The following WASHC5 variants were observed in gnomAD, a reference collection of about 807,000 sequenced individuals.
The protein encoded by WASHC5 is WASH complex subunit strumpellin.
Under a neutral mutation model 150.4 loss-of-function variants are expected in WASHC5, and 101 were observed. The observed-to-expected ratio is 0.67, with a 90% confidence interval of 0.57 to 0.79. WASHC5 has a LOEUF of 0.79. WASHC5 is among the 30% of genes least tolerant of loss of function. WASHC5 has a pLI of 0.00. For synonymous variants in WASHC5, 467 were observed against 491.2 expected, an observed-to-expected ratio of 0.95 and a Z score of 0.65; for missense variants, 1,195 against 1,396.3, an observed-to-expected ratio of 0.86 and a Z score of 2.30.
intron 11 of WASHC5, among the ~76,000 whole-genome samples, chr8:125,061,843 G>T (rs551893511): frequency 6.6e-6 from 1 of 152,282 alleles, no homozygotes; most frequent in African/African-American, 2.4e-5. Flanking sequence ...AGCAATACAG[G>T]GAGGTGGAAA....
In WASHC5 at chr8:125,083,181, G is replaced by T; in HGVS notation, c.264C>A (p.Asn88Lys). 1 of 1,601,844 alleles carries T rather than the reference G, an allele frequency of 6.2e-7. No individual in the cohort carries two copies. Among genetic ancestry groups the T allele is most frequent in the Non-Finnish European group, 8.6e-7 (1 of 1,169,418 alleles). ...QDLDEEFREN[N>K]IEIVTRFYLA... The stretch of plus-strand genomic sequence containing the variant: ...AATAAAATCTGGTCACAATTTCTAT[G>T]TTGTTTTCACGAAATTCTTCATCTA... Residue 88 changes from asparagine to lysine, a missense_variant, in exon 3 of 29, where the codon AAC becomes AAA. Around this residue, in one of 3 missense-constraint regions of WASHC5, gnomAD observed 195 missense variants for 206.9 expected, o/e 0.94. Transcript: ENST00000318410.
chr8:125,043,779 T>A lies in WASHC5; in HGVS notation c.2850+46A>T, dbSNP rs1434142477. 3 of 1,372,954 alleles carry A rather than the reference T, an allele frequency of 2.2e-6. No individual in the cohort carries two copies. In the African/African-American group the frequency reaches 4.3e-5, roughly 20 times the overall value. The allele number at this position is 1,372,954 out of a possible 1,614,324, so 85.0% of individuals were successfully genotyped here. A position where few individuals can be genotyped will look rare whatever the true frequency, so the allele number is the denominator to read the frequency against. The stretch of plus-strand genomic sequence containing the variant: ...ACAAAGTTACAAGAAAATAAAAAAT[T>A]TAAAAATGTAAGTATTGACTGTACA... On this transcript the variant is annotated intron_variant, in intron 23 of 28. Transcript: ENST00000318410.
chr8:125,032,626 T>C (rs1815574991), intron 26 of WASHC5: 1 of 548,884 alleles, frequency 1.8e-6, no homozygotes, highest in Non-Finnish European at 3.3e-6. Flanking sequence ...ATTTTGTAAT[T>C]ATCATTACTG....
intron 19 of WASHC5, among the ~76,000 whole-genome samples, chr8:125,048,716 C>T (rs533539172): frequency 6.6e-6 from 1 of 152,298 alleles, no homozygotes; most frequent in South Asian, 2.1e-4. Context: ...TGAACACAAA[C>T]AAAGGAGTCC....
chr8:125,028,701 C>T lies in WASHC5; in HGVS notation c.3342G>A (p.Lys1114=), dbSNP rs767739206. The T allele has an allele frequency of 2.5e-5, 41 of 1,612,764 alleles. No individual in the cohort carries two copies. The South Asian group carries it at 4.4e-4, about 17-fold the overall frequency. The change falls in exon 28 of 29, where the codon AAG becomes AAA. Residue 1114 remains lysine, a synonymous_variant. Transcript: ENST00000318410. ...CAACATCTGCAGGAATTTCAGGTAT[C>T]TTCTGGCTGTGATAGAGAACAGTTT... The part of the protein sequence containing the change: ...CSTVEQCTSQ[K]IPEIPADVVG...
At chr8:125,087,541 C>A (rs1266600676) in intron 1 of WASHC5, among the ~76,000 whole-genome samples, 3 of 152,096 alleles carry the variant, frequency 2.0e-5, no homozygotes, top group African/African-American at 7.2e-5. Flanking sequence ...CCAGTCTGGG[C>A]AACAATAGCG....
At chr8:125,091,486 G>A (rs1218761708) in intron 1 of WASHC5, 129 bp downstream of exon 1, 2 of 152,306 alleles carry the variant, frequency 1.3e-5, no homozygotes, top group Admixed American at 6.5e-5. Flanking sequence ...AAGCCCCTAA[G>A]CCCTCCATCC....
chr8:125,025,694 TAACA>T (rs1438452430), intron 28 of WASHC5, among the ~76,000 whole-genome samples: 1 of 152,216 alleles, frequency 6.6e-6, no homozygotes, highest in Non-Finnish European at 1.5e-5. Context: ...AATACCTATG[TAACA>T]AACCTGCACA....
At chr8:125,045,538 T>C (rs370959113) in intron 20 of WASHC5, among the ~76,000 whole-genome samples, 14 of 152,304 alleles carry the variant, frequency 9.2e-5, no homozygotes, top group Admixed American at 5.9e-4. Context: ...TCTGATTTAA[T>C]AGTTCTGGGG....
rs144749430 is a variant in WASHC5 at position 125,032,462 on chromosome 8, G to A, written c.3182-68C>T. Reference sequence around the variant, plus strand: ...TCAGCAACATTCATTAAATACCAACGCTGTGAAGGTCAAAATGTTTGGGGC... The same window carrying A: ...TCAGCAACATTCATTAAATACCAACACTGTGAAGGTCAAAATGTTTGGGGC... On this transcript the variant is annotated intron_variant, in intron 26 of 28. Transcript: ENST00000318410. 541 of 1,535,004 alleles carry A rather than the reference G, an allele frequency of 3.5e-4. 1 individual carries two copies. The African/African-American group carries it at 5.9e-3, about 17-fold the overall frequency.
In WASHC5 at chr8:125,084,031, C is replaced by CA. The variant is rs1435837556; in HGVS notation, c.-124-10_-124-9insT. On this transcript the variant is annotated splice_polypyrimidine_tract_variant and intron_variant, in intron 1 of 28. Transcript: ENST00000318410. ...CTCCTCCATTAAAGAACCTGTATCC[C>CA]CAAAAAAAGTGTGAAAATCTCAATT... 5.8e-5 allele frequency: 47 copies of CA among 814,842 alleles called. No homozygotes were observed. The African/African-American group carries it at 7.8e-4, about 13-fold the overall frequency. The allele number at this position is 814,842 out of a possible 1,614,324, so 50.5% of individuals were successfully genotyped here. A position where few individuals can be genotyped will look rare whatever the true frequency, so the allele number is the denominator to read the frequency against.
chr8:125,067,470 CA>C, intron 10 of WASHC5, 121 bp downstream of exon 10: 1 of 846,006 alleles, frequency 1.2e-6, no homozygotes, highest in Non-Finnish European at 1.9e-6. Flanking sequence ...AGAACTATCT[CA>C]ACAGCTCAAA....
intron 27 of WASHC5, 102 bp downstream of exon 27, chr8:125,032,139 T>C: frequency 3.0e-6 from 4 of 1,351,442 alleles, no homozygotes; most frequent in South Asian, 1.2e-5. Context: ...TGAGCAACCA[T>C]TTCCCATCTC....
chr8:125,069,067 T>C (rs190000690), intron 9 of WASHC5, among the ~76,000 whole-genome samples: 3 of 152,216 alleles, frequency 2.0e-5, no homozygotes, highest in African/African-American at 4.8e-5. Flanking sequence ...TTGGTTGCCA[T>C]TGTGTCAGCG....
At chr8:125,045,020 T>C (rs969668410) in intron 20 of WASHC5, 1 of 370,526 alleles carries the variant, frequency 2.7e-6, no homozygotes. Context: ...TGGAAGACTT[T>C]AGAGCCCATT....
chr8:125,070,991 G>A (rs770868647), intron 9 of WASHC5, among the ~76,000 whole-genome samples: 1 of 152,340 alleles, frequency 6.6e-6, no homozygotes, highest in Middle Eastern at 3.4e-3. Context: ...CTGTGAGACA[G>A]GGGCTACCAT....
At chr8:125,088,541 G>C (rs1817494579) in intron 1 of WASHC5, among the ~76,000 whole-genome samples, 1 of 152,044 alleles carries the variant, frequency 6.6e-6, no homozygotes, top group African/African-American at 2.4e-5. Flanking sequence ...TCTGTAGCTT[G>C]CTAGTCCAGG....
chr8:125,051,902 A>T (rs1816251896), intron 17 of WASHC5, among the ~76,000 whole-genome samples: 1 of 152,186 alleles, frequency 6.6e-6, no homozygotes, highest in African/African-American at 2.4e-5. Context: ...GACTTAAAAG[A>T]CATAACATAG....
At chr8:125,040,421 A>G (rs1284256603) in intron 23 of WASHC5, among the ~76,000 whole-genome samples, 1 of 152,202 alleles carries the variant, frequency 6.6e-6, no homozygotes, top group Non-Finnish European at 1.5e-5. Flanking sequence ...AATCTACATA[A>G]AATCTTTCAC....
Sources: allele counts gnomAD v4.1 joint callset (sites outside exome capture counted in the v4.1 genomes callset), GRCh38; gene constraint gnomAD v4.1.1; regional missense constraint gnomAD v4.1.1; transcripts MANE v1.5; gene names NCBI Gene and HGNC (gene_info 2026-07-23, HGNC 2026-07-21).